Variants in PLEKHA5 observed in about 807,000 individuals in gnomAD.
The protein encoded by PLEKHA5 is pleckstrin homology domain containing A5, also known as pleckstrin homology domain-containing family A member 5.
In PLEKHA5, 55 loss-of-function variants were observed where a neutral mutation model predicts 181.9. The observed-to-expected ratio is 0.30, with a 90% CI of 0.24 to 0.38. PLEKHA5 has a LOEUF of 0.38. PLEKHA5 is among the 10% of genes least tolerant of loss of function. The probability of loss-of-function intolerance (pLI) is 1.00; values close to 1 mark genes in which losing one functional copy is unlikely to be tolerated. For missense variants in PLEKHA5, 1,432 were observed against 1,549.5 expected, an observed-to-expected ratio of 0.92 and a Z score of 1.27; for synonymous variants, 535 against 529.4, an observed-to-expected ratio of 1.01 and a Z score of -0.15.
intron 20 of PLEKHA5, among the ~76,000 whole-genome samples, chr12:19,334,614 G>T (rs1015634775): frequency 5.3e-5 from 8 of 151,462 alleles, no homozygotes; most frequent in Admixed American, 4.6e-4. Context: ...AGTTTTTGTG[G>T]TGCACACAAA....
At chr12:19,265,304 C>T (rs112489926) in intron 7 of PLEKHA5, among the ~76,000 whole-genome samples, 5 of 152,110 alleles carry the variant, frequency 3.3e-5, no homozygotes, top group African/African-American at 1.2e-4. Flanking sequence ...TGAGAGTAGG[C>T]AATGGTAACA....
At chr12:19,305,202 A>G (rs17271857) in intron 15 of PLEKHA5, among the ~76,000 whole-genome samples, 10,689 of 152,218 alleles carry the variant, frequency 0.07, 408 homozygotes, top group South Asian at 0.11. Flanking sequence ...GGGAAATTCT[A>G]CACAAGATCC....
At chr12:19,154,257 T>A (rs939605294) in intron 3 of PLEKHA5, 1 of 152,158 alleles carries the variant, frequency 6.6e-6, no homozygotes, top group Non-Finnish European at 1.5e-5. Flanking sequence ...TATATTTGGG[T>A]GTATCTTTTT....
In PLEKHA5 at chr12:19,343,381, A is replaced by G; in HGVS notation, c.2609A>G (p.Asp870Gly). The G allele has an allele frequency of 6.2e-7, 1 of 1,613,740 alleles. No individual in the cohort carries two copies. Among genetic ancestry groups the G allele is most frequent in the Non-Finnish European group, 8.5e-7 (1 of 1,179,662 alleles). Residue 870 changes from aspartate (D) to glycine (G), a missense_variant, in exon 22 of 32, where the codon GAT becomes GGT. Physicochemically the swap from Asp to Gly is moderately conservative, Grantham distance 94. Coordinates refer to ENST00000429027, the MANE Select transcript of PLEKHA5 (RefSeq NM_001256470.2). ...CAGAAAGAACTTTGGCGAATTCAGG[A>G]TGTCATGGAAGGGCTGAGTAAACAT... ...QIQKELWRIQ[D>G]VMEGLSKHKQ...
chr12:19,145,405 T>C (rs1450668702), intron 3 of PLEKHA5, among the ~76,000 whole-genome samples: 1 of 152,156 alleles, frequency 6.6e-6, no homozygotes, highest in Admixed American at 6.5e-5. Context: ...TTCTACCCCA[T>C]ACTCTGCTCC....
At chr12:19,204,282 C>G (rs2054879977) in intron 3 of PLEKHA5, among the ~76,000 whole-genome samples, 2 of 152,104 alleles carry the variant, frequency 1.3e-5, no homozygotes, top group African/African-American at 4.8e-5. Context: ...TGGGTCAGCC[C>G]CACTCTGTCA....
intron 3 of PLEKHA5, chr12:19,149,481 G>A (rs1389294984): frequency 6.9e-6 from 1 of 143,914 alleles, no homozygotes; most frequent in African/African-American, 2.6e-5. Flanking sequence ...TCCAGCCTGG[G>A]CGACAGAGCG....
intron 3 of PLEKHA5, among the ~76,000 whole-genome samples, chr12:19,135,739 T>C (rs2151028573): frequency 6.6e-6 from 1 of 152,294 alleles, no homozygotes; most frequent in Middle Eastern, 3.4e-3. Flanking sequence ...AGGTTTGAGT[T>C]AATCAGTTTA....
At position 19,309,992 on chromosome 12, in the gene PLEKHA5, AAAAAG is replaced by A. The variant is rs747419381; in HGVS notation, c.2038-4812_2038-4808del. Among the ~76,000 whole-genome samples, 9 of 152,252 alleles carry A rather than the reference AAAAAG, an allele frequency of 5.9e-5. No homozygotes were observed. In the South Asian group the frequency reaches 8.3e-4, roughly 14 times the overall value. On this transcript the variant is annotated intron_variant, in intron 15 of 31. Transcript: ENST00000429027. Reference sequence around the variant, plus strand: ...CTTTGATAATAAAACCCTTTAACTTAAAAAGAAAAGAAAATTGTGTAATGCCTGAA... The same window carrying A: ...CTTTGATAATAAAACCCTTTAACTTAAAAAGAAAATTGTGTAATGCCTGAA...
At chr12:19,196,691 A>G (rs1565453560) in intron 3 of PLEKHA5, among the ~76,000 whole-genome samples, 1 of 152,200 alleles carries the variant, frequency 6.6e-6, no homozygotes, top group Non-Finnish European at 1.5e-5. Context: ...TACAAACAAA[A>G]GATTATTAAT....
At chr12:19,301,838 C>T (rs1318620079) in intron 15 of PLEKHA5, among the ~76,000 whole-genome samples, 2 of 152,314 alleles carry the variant, frequency 1.3e-5, no homozygotes, top group East Asian at 3.9e-4. Context: ...GAAGTCACTT[C>T]ACATTTCCCT....
At chr12:19,154,550 A>G (rs1285822864) in intron 3 of PLEKHA5, 1 of 152,210 alleles carries the variant, frequency 6.6e-6, no homozygotes, top group Non-Finnish European at 1.5e-5. Context: ...ATTCGGGAAA[A>G]TGCCCAATAA....
chr12:19,328,236 T>C (rs1328837467), intron 20 of PLEKHA5, among the ~76,000 whole-genome samples: 2 of 152,192 alleles, frequency 1.3e-5, no homozygotes, highest in East Asian at 1.9e-4. Flanking sequence ...TGTAGCCTTA[T>C]AGTATAGTTT....
chr12:19,148,142 C>T (rs1477684178), intron 3 of PLEKHA5, among the ~76,000 whole-genome samples: 1 of 152,144 alleles, frequency 6.6e-6, no homozygotes, highest in Non-Finnish European at 1.5e-5. Context: ...CTGCAACCTC[C>T]GCCTCCCAGG....
Position 19,366,092 on chromosome 12 carries a change from G to A in PLEKHA5, c.3737G>A (p.Gly1246Glu), listed in dbSNP as rs778546881. 2 of 1,611,538 alleles carry A rather than the reference G, an allele frequency of 1.2e-6. No individual in the cohort carries two copies. Among genetic ancestry groups the A allele is most frequent in the Non-Finnish European group, 1.7e-6 (2 of 1,178,946 alleles). The change falls in exon 30 of 32, where the codon GGA becomes GAA. Residue 1246 changes from glycine to glutamate, a missense_variant. By Grantham distance (98) the Gly-to-Glu change is moderately conservative. Coordinates refer to ENST00000429027, the MANE Select transcript of PLEKHA5 (RefSeq NM_001256470.2). Reference protein sequence around the residue: ...SYESTPEVSRGNQTMAVKSLS... With the variant: ...SYESTPEVSRENQTMAVKSLS... ...GAATCAACTCCTGAGGTTTCTAGAG[G>A]AAATCAAACAATGGCAGGTAGGTAG...
intron 3 of PLEKHA5, chr12:19,200,616 T>TA: frequency 8.9e-7 from 1 of 1,128,364 alleles, no homozygotes; most frequent in Non-Finnish European, 1.1e-6. Flanking sequence ...TGAACTTCAT[T>TA]AGCTTTTTCT....
At chr12:19,324,245 A>G (rs1364944546) in intron 20 of PLEKHA5, among the ~76,000 whole-genome samples, 3 of 152,204 alleles carry the variant, frequency 2.0e-5, no homozygotes, top group East Asian at 3.9e-4. Context: ...TTTTAAAGGA[A>G]TATACCATGA....
chr12:19,270,312 A>C, intron 10 of PLEKHA5, 107 bp downstream of exon 10: 1 of 562,816 alleles, frequency 1.8e-6, no homozygotes, highest in South Asian at 4.2e-5. Flanking sequence ...TTATGAAGTT[A>C]ATTTGTGTTT....
chr12:19,189,073 A>C (rs2050482651), intron 3 of PLEKHA5, among the ~76,000 whole-genome samples: 1 of 152,148 alleles, frequency 6.6e-6, no homozygotes, highest in African/African-American at 2.4e-5. Context: ...CTGAGACTGG[A>C]CATATATTTA....
Sources: gnomAD v4.1 joint callset for allele counts (sites outside exome capture counted in the v4.1 genomes callset) on GRCh38, gnomAD v4.1.1 for gene constraint, MANE v1.5 for transcripts, NCBI Gene and HGNC (gene_info 2026-07-23, HGNC 2026-07-21) for gene names.